LRRC9: variants seen among roughly 807,000 people sequenced by gnomAD.
LRRC9 encodes the protein leucine-rich repeat-containing protein 9.
A neutral mutation model predicts 63.2 loss-of-function variants in LRRC9; 122 were observed. The observed-to-expected ratio is 1.93, with a 90% CI of 1.67 to 2.24. The LOEUF (loss-of-function observed/expected upper bound fraction) is 2.24. LRRC9 is among the 30% of genes most tolerant of loss of function. The pLI, the probability that LRRC9 is intolerant of heterozygous loss-of-function variation, is 0.00. For missense variants in LRRC9, 1,071 were observed against 627.7 expected (o/e 1.71, Z -7.55); for synonymous variants, 366 against 213.1 (o/e 1.72, Z -6.25).
At chr14:59,985,018 G>T in intron 16 of LRRC9, 87 bp from the exon 17 acceptor site, 3 of 476,164 alleles carry the variant, frequency 6.3e-6, no homozygotes, top group Admixed American at 3.6e-5. Context: ...TCAAATAATT[G>T]TTCTAAACAT....
At chr14:60,039,400 T>C (rs1188758006) in intron 29 of LRRC9, among the ~76,000 whole-genome samples, 1 of 152,206 alleles carries the variant, frequency 6.6e-6, no homozygotes, top group Admixed American at 6.5e-5. Context: ...TCTTGGACTT[T>C]TTTTGGTTGG....
chr14:60,035,165 A>C (rs1360156281), intron 29 of LRRC9, among the ~76,000 whole-genome samples: 4 of 150,918 alleles, frequency 2.7e-5, no homozygotes, highest in Non-Finnish European at 3.0e-5. Context: ...ATGTCTTTTC[A>C]GATCTTTTAA....
At chr14:59,946,775 C>T (rs1175706234) in intron 8 of LRRC9, among the ~76,000 whole-genome samples, 9 of 147,140 alleles carry the variant, frequency 6.1e-5, no homozygotes, top group Non-Finnish European at 9.0e-5. Flanking sequence ...TTTCTTCTTG[C>T]GATAGTTTAC....
At position 59,996,875 on chromosome 14, in the gene LRRC9, C is replaced by T. The variant is rs535285417; in HGVS notation, c.2212-781C>T. Reference sequence around the variant, plus strand: ...AGCTGCAATTAGAGAATAATTCTCACGGATGTTTGTTGCTGTGTTGCCAAC... The same window carrying T: ...AGCTGCAATTAGAGAATAATTCTCATGGATGTTTGTTGCTGTGTTGCCAAC... On this transcript the variant is annotated intron_variant, in intron 17 of 31. Coordinates refer to ENST00000445360, the Ensembl canonical transcript of LRRC9. Among the ~76,000 whole-genome samples, 12 of 152,204 alleles carry T rather than the reference C, an allele frequency of 7.9e-5. No homozygotes were observed. The East Asian group carries it at 1.4e-3, about 17-fold the overall frequency.
rs190840783 is a variant in LRRC9 at position 59,981,959 on chromosome 14, A to G, written c.1990A>G (p.Ile664Val). The change falls in exon 16 of 32, where the codon ATA (isoleucine) becomes GTA (valine). Residue 664 changes from isoleucine to valine, a missense_variant. Coordinates refer to ENST00000445360, the Ensembl canonical transcript of LRRC9. ...GGATTTGAAATTTGATGATGAAGTT[A>G]TAAAAATGGAGCCCAGAATCAAGGC... The G allele has an allele frequency of 2.0e-4, 141 of 702,698 alleles. No individual in the cohort carries two copies. In the African/African-American group the frequency reaches 2.2e-3, roughly 11 times the overall value. 43.5% of individuals were successfully genotyped at this position (702,698 alleles called of 1,614,324 possible). A position where few individuals can be genotyped will look rare whatever the true frequency, so the allele number is the denominator to read the frequency against.
chr14:59,983,078 GCT>G (rs757444475), intron 16 of LRRC9, among the ~76,000 whole-genome samples: 15 of 152,184 alleles, frequency 9.9e-5, no homozygotes, highest in Non-Finnish European at 1.8e-4. Context: ...CAGATCTGCT[GCT>G]ACCACTCTAT....
intron 6 of LRRC9, among the ~76,000 whole-genome samples, chr14:59,937,403 A>G (rs1400138120): frequency 6.6e-6 from 1 of 152,120 alleles, no homozygotes. Context: ...AATAAAATCC[A>G]TACCAAAACT....
At chr14:60,063,243 T>G (rs560560406) in intron 31 of LRRC9, 80 bp from the exon 33 acceptor site, 18 of 669,478 alleles carry the variant, frequency 2.7e-5, no homozygotes, top group South Asian at 1.8e-4. Flanking sequence ...AATTATTTAT[T>G]GCAGAATTAC....
chr14:59,992,497 G>A lies in LRRC9; in HGVS notation c.2212-5159G>A, dbSNP rs527866016. On this transcript the variant is annotated intron_variant, in intron 17 of 31. Transcript: ENST00000445360. ...GATGAGTTGAGAGAAGGCTTCAGAC[G>A]ATCAAACTACTCAGAGCTAAAGGAG... 1.4e-4 allele frequency among the ~76,000 whole-genome samples: 21 copies of A among 152,060 alleles called. 1 individual carries two copies. In the South Asian group the frequency reaches 3.7e-3, roughly 27 times the overall value.
At chr14:59,995,475 A>G (rs1207345679) in intron 17 of LRRC9, among the ~76,000 whole-genome samples, 2 of 152,224 alleles carry the variant, frequency 1.3e-5, no homozygotes, top group African/African-American at 4.8e-5. Flanking sequence ...AGCTACATTT[A>G]GAGAATAAAC....
chr14:60,060,134 T>C lies in LRRC9; in HGVS notation c.4276+2112T>C, dbSNP rs528408750. Among the ~76,000 whole-genome samples, 1 of 152,352 alleles carries C rather than the reference T, an allele frequency of 6.6e-6. No individual in the cohort carries two copies. Among genetic ancestry groups the C allele is most frequent in the Non-Finnish European group, 1.5e-5 (1 of 68,028 alleles). Reference sequence around the variant, plus strand: ...CTTAAGAATTATGCTAAATCTACTTTGTCTATGCTCTATCAGTCTATGCTC... The same window carrying C: ...CTTAAGAATTATGCTAAATCTACTTCGTCTATGCTCTATCAGTCTATGCTC... On this transcript the variant is annotated intron_variant, in intron 31 of 31. Coordinates refer to ENST00000445360, the Ensembl canonical transcript of LRRC9. This position sits in a 1 kb window ranked among gnomAD's most constrained non-coding sequence, Gnocchi z 4.0.
chr14:60,008,787 G>T (rs549412156), intron 23 of LRRC9, among the ~76,000 whole-genome samples: 75 of 152,210 alleles, frequency 4.9e-4, no homozygotes, highest in African/African-American at 1.8e-3. Context: ...AGAGTAAAAG[G>T]TTTATGGTGT....
Position 59,977,348 on chromosome 14 carries a change from G to A in LRRC9, c.1762+1G>A. ...TTCATTCCTCGGAAATATTTACTAA[G>A]TATGTCTATCATAAAGATTAATGTG... On this transcript the variant is annotated splice_donor_variant, in intron 14 of 31. Transcript: ENST00000445360. LOFTEE classifies it high-confidence loss of function. 1 of 682,626 alleles carries A rather than the reference G, an allele frequency of 1.5e-6. No homozygotes were observed. The highest frequency in any genetic ancestry group is 2.6e-6 in the Non-Finnish European group (1 of 379,034). 42.3% of individuals were successfully genotyped at this position (682,626 alleles called of 1,614,324 possible).
At chr14:59,947,229 GT>G (rs1163141955) in intron 8 of LRRC9, among the ~76,000 whole-genome samples, 1 of 149,852 alleles carries the variant, frequency 6.7e-6, no homozygotes, top group African/African-American at 2.5e-5. Context: ...TCTCATAGTG[GT>G]TTTGATTTGC....
At chr14:59,971,318 G>A (rs1225333629) in intron 12 of LRRC9, among the ~76,000 whole-genome samples, 2 of 152,004 alleles carry the variant, frequency 1.3e-5, no homozygotes, top group Admixed American at 6.6e-5. Context: ...GTACCATGCC[G>A]TTTTCTTACT....
rs1055318995 is a variant in LRRC9 at position 59,922,957 on chromosome 14, C to T, written c.-34+3074C>T. ...AGCAATCCAAAGTGGAAAGATTAAT[C>T]CTATGCAGTTTGAGGTGTAAAAGCT... On this transcript the variant is annotated intron_variant, in intron 1 of 31. Coordinates refer to ENST00000445360, the Ensembl canonical transcript of LRRC9. The surrounding 1 kb of genome is among the most constrained non-coding windows in gnomAD (Gnocchi z 5.3). 1.3e-5 allele frequency among the ~76,000 whole-genome samples: 2 copies of T among 152,158 alleles called. No individual in the cohort carries two copies. Among genetic ancestry groups the T allele is most frequent in the African/African-American group, 4.8e-5 (2 of 41,424 alleles).
chr14:59,933,333 A>G lies in LRRC9; in HGVS notation c.543+1294A>G, dbSNP rs181396739. Among the ~76,000 whole-genome samples the G allele has an allele frequency of 3.1e-4, 47 of 152,282 alleles. No individual in the cohort carries two copies. The East Asian group carries it at 8.1e-3, about 26-fold the overall frequency. The stretch of plus-strand genomic sequence containing the variant: ...CTTTGCCTGTTCTCTTCATTGCTGT[A>G]TCCACAATCCTTAACACAGTGTTGG... On this transcript the variant is annotated intron_variant, in intron 6 of 31. Coordinates refer to ENST00000445360, the Ensembl canonical transcript of LRRC9.
intron 23 of LRRC9, among the ~76,000 whole-genome samples, chr14:60,015,768 G>T (rs1370858172): frequency 6.6e-6 from 1 of 152,150 alleles, no homozygotes; most frequent in African/African-American, 2.4e-5. Flanking sequence ...GCAGGGAGTG[G>T]GGACATGTGT....
At chr14:59,959,050 A>G (rs529438987) in intron 8 of LRRC9, among the ~76,000 whole-genome samples, 32 of 152,354 alleles carry the variant, frequency 2.1e-4, no homozygotes, top group African/African-American at 6.7e-4. Context: ...AGATGTTTCT[A>G]TTCAGCCATC....
Sources: allele counts gnomAD v4.1 joint callset (sites outside exome capture counted in the v4.1 genomes callset), GRCh38; gene constraint gnomAD v4.1.1; non-coding constraint Gnocchi (gnomAD v3.1); transcripts MANE v1.5; gene names NCBI Gene and HGNC (gene_info 2026-07-23, HGNC 2026-07-21).